The following RBM20 variants were observed in gnomAD, a reference collection of about 807,000 sequenced individuals.
The protein encoded by RBM20 is RNA-binding protein 20.
A neutral mutation model predicts 110.1 loss-of-function variants in RBM20; 51 were observed. That is an observed-to-expected ratio of 0.46 (90% CI 0.37 to 0.59). The LOEUF is 0.59. RBM20 is among the 20% of genes least tolerant of loss of function. RBM20 has a pLI of 0.00. For synonymous variants in RBM20, 589 were observed against 618.2 expected (o/e 0.95, Z 0.70); for missense variants, 1,512 against 1,574.9 (o/e 0.96, Z 0.68).
chr10:110,780,072 G>A (rs1163355583), intron 1 of RBM20, among the ~76,000 whole-genome samples: 1 of 152,136 alleles, frequency 6.6e-6, no homozygotes, highest in Admixed American at 6.5e-5. Flanking sequence ...GGTGAGGTGG[G>A]GGGAGCACGT....
intron 1 of RBM20, among the ~76,000 whole-genome samples, chr10:110,761,477 T>C (rs576313619): frequency 7.0e-4 from 89 of 126,566 alleles, no homozygotes; most frequent in African/African-American, 2.4e-3. Context: ...AGTATGTCCT[T>C]AAGTTCCTGT....
intron 10 of RBM20, 31 bp downstream of exon 10, chr10:110,820,207 C>T: frequency 6.9e-7 from 1 of 1,446,698 alleles, no homozygotes; most frequent in Non-Finnish European, 9.5e-7. Flanking sequence ...TGCACTTCTG[C>T]CATGAGGGAC....
intron 1 of RBM20, among the ~76,000 whole-genome samples, chr10:110,699,815 C>T (rs934468733): frequency 1.7e-4 from 26 of 152,000 alleles, no homozygotes; most frequent in Non-Finnish European, 1.3e-4. Context: ...AAATTAGGCA[C>T]AGTACTCTTG....
At chr10:110,791,122 A>C (rs1844477919) in intron 5 of RBM20, among the ~76,000 whole-genome samples, 1 of 152,234 alleles carries the variant, frequency 6.6e-6, no homozygotes, top group Non-Finnish European at 1.5e-5. Context: ...CCTCCAAGTT[A>C]AGCCAAGATC....
chr10:110,806,989 G>T (rs1458060423), intron 7 of RBM20, among the ~76,000 whole-genome samples: 3 of 152,184 alleles, frequency 2.0e-5, no homozygotes, highest in Non-Finnish European at 2.9e-5. Flanking sequence ...GCTGGCAGCT[G>T]GTCCAGAGAG....
intron 13 of RBM20, 37 bp downstream of exon 13, chr10:110,831,219 C>A (rs1397519041): frequency 5.2e-6 from 8 of 1,543,218 alleles, no homozygotes; most frequent in Non-Finnish European, 6.1e-6. Flanking sequence ...ATGCCAGGGG[C>A]TCCCCAGTCT....
intron 1 of RBM20, among the ~76,000 whole-genome samples, chr10:110,740,871 A>T (rs1265609797): frequency 6.6e-6 from 1 of 152,140 alleles, no homozygotes; most frequent in Non-Finnish European, 1.5e-5. Flanking sequence ...AGTTAGCTGG[A>T]TCCAGATGCT....
intron 1 of RBM20, among the ~76,000 whole-genome samples, chr10:110,678,190 G>C (rs2134854096): frequency 6.6e-6 from 1 of 152,186 alleles, no homozygotes; most frequent in Admixed American, 6.5e-5. Flanking sequence ...TAGAGCTATG[G>C]GAGTACTCAA....
At chr10:110,645,617 T>G (rs1179680946) in intron 1 of RBM20, among the ~76,000 whole-genome samples, 1 of 152,232 alleles carries the variant, frequency 6.6e-6, no homozygotes, top group Non-Finnish European at 1.5e-5. Context: ...GTCCTGTAAA[T>G]TTAATAAAAC....
At chr10:110,760,423 A>ATTTTTT (rs1400720868) in intron 1 of RBM20, among the ~76,000 whole-genome samples, 12 of 83,304 alleles carry the variant, frequency 1.4e-4, no homozygotes, top group South Asian at 3.8e-4. Context: ...GAATTCCATC[A>ATTTTTT]TCTTTTTTTT....
At chr10:110,687,532 G>A (rs1185583299) in intron 1 of RBM20, among the ~76,000 whole-genome samples, 2 of 152,200 alleles carry the variant, frequency 1.3e-5, no homozygotes, top group African/African-American at 4.8e-5. Flanking sequence ...AAAAATGTCT[G>A]GGTATTAACT....
chr10:110,780,910 C>T lies in RBM20; in HGVS notation c.301C>T (p.His101Tyr). The T allele has an allele frequency of 6.4e-7, 1 of 1,551,758 alleles. No homozygotes were observed. The highest frequency in any genetic ancestry group is 8.7e-7 in the Non-Finnish European group (1 of 1,146,982). Residue 101 changes from histidine (H) to tyrosine (Y), a missense_variant, in exon 2 of 14, where the codon CAC becomes TAC. Around this residue, in one of 3 missense-constraint regions of RBM20, gnomAD observed 1,149 missense variants for 1,169.4 expected, o/e 0.98. Coordinates refer to ENST00000369519, the MANE Select transcript of RBM20 (RefSeq NM_001134363.3). ...TCAACTGCAGGCCCAGCTCACCCTC[C>T]ACCGGCTGAAGCTGGCACAGACAGC... ...LAQLQAQLTL[H>Y]RLKLAQTAVT...
intron 1 of RBM20, among the ~76,000 whole-genome samples, chr10:110,662,693 T>C (rs1394418301): frequency 6.6e-6 from 1 of 152,162 alleles, no homozygotes; most frequent in African/African-American, 2.4e-5. Context: ...AAAAATTTTT[T>C]AAAAGACATA....
intron 6 of RBM20, among the ~76,000 whole-genome samples, chr10:110,799,172 C>T (rs928069199): frequency 6.6e-6 from 1 of 152,156 alleles, no homozygotes; most frequent in Admixed American, 6.5e-5. Context: ...GTGTCTCTTG[C>T]TGTCACCATC....
chr10:110,685,419 T>G (rs538939485), intron 1 of RBM20, among the ~76,000 whole-genome samples: 1 of 152,288 alleles, frequency 6.6e-6, no homozygotes, highest in South Asian at 2.1e-4. Context: ...TTTCTGTTCC[T>G]CTGTTGACAG....
In RBM20 at chr10:110,812,661, G is replaced by T. The variant is rs986602724; in HGVS notation, c.2264G>T (p.Arg755Leu). 1 of 1,551,622 alleles carries T rather than the reference G, an allele frequency of 6.4e-7. No homozygotes were observed. Among genetic ancestry groups the T allele is most frequent in the African/African-American group, 1.4e-5 (1 of 73,042 alleles). The change falls in exon 9 of 14, where the codon CGT becomes CTT. Residue 755 changes from arginine (R) to leucine (L), a missense_variant. Arg to Leu is a moderately radical substitution (Grantham distance 102, BLOSUM62 -2). Around this residue, in one of 3 missense-constraint regions of RBM20, gnomAD observed 1,149 missense variants for 1,169.4 expected, o/e 0.98. Transcript: ENST00000369519. ...CACTCTGTGTCCAGCTACAAAAGCC[G>T]TGAAGACGGCTACTACCGGAAAGAG... ...LPHSVSSYKS[R>L]EDGYYRKEPK...
intron 1 of RBM20, among the ~76,000 whole-genome samples, chr10:110,778,053 A>G (rs1210496234): frequency 6.6e-6 from 1 of 152,204 alleles, no homozygotes; most frequent in Admixed American, 6.5e-5. Context: ...ATTCTTGCCT[A>G]CATAGACATT....
At chr10:110,660,809 C>T (rs1862091867) in intron 1 of RBM20, among the ~76,000 whole-genome samples, 1 of 152,050 alleles carries the variant, frequency 6.6e-6, no homozygotes, top group Non-Finnish European at 1.5e-5. Flanking sequence ...TAATAAAGTA[C>T]ACAATAAATG....
At chr10:110,740,750 T>A (rs927824323) in intron 1 of RBM20, among the ~76,000 whole-genome samples, 3 of 152,190 alleles carry the variant, frequency 2.0e-5, no homozygotes, top group Non-Finnish European at 4.4e-5. Context: ...GCAGCAGATA[T>A]AACATCATTA....
Sources: gnomAD v4.1 joint callset for allele counts (sites outside exome capture counted in the v4.1 genomes callset) on GRCh38, gnomAD v4.1.1 for gene constraint, gnomAD v4.1.1 regional missense constraint, MANE v1.5 for transcripts, NCBI Gene and HGNC (gene_info 2026-07-23, HGNC 2026-07-21) for gene names.